Variants in DGKB observed in about 807,000 individuals in gnomAD.
DGKB encodes the protein diacylglycerol kinase beta.
DGKB carries 67 observed loss-of-function variants against 114.3 expected under a neutral mutation model. The ratio of observed to expected loss-of-function variants is 0.59; its 90% CI spans 0.48 to 0.72. The LOEUF (loss-of-function observed/expected upper bound fraction) is 0.72, where lower values mean the gene tolerates loss of function less well. DGKB is among the 30% of genes least tolerant of loss of function. The pLI is 0.00. For synonymous variants in DGKB, 398 were observed against 323.1 expected (o/e 1.23, Z -2.49); for missense variants, 907 against 975.2 (o/e 0.93, Z 0.93).
intron 7 of DGKB, among the ~76,000 whole-genome samples, chr7:14,698,484 T>G (rs1374685135): frequency 6.6e-6 from 1 of 152,106 alleles, no homozygotes; most frequent in African/African-American, 2.4e-5. Context: ...CTGTCACATG[T>G]GATTTTTAAG....
At chr7:14,666,854 T>G (rs1818117174) in intron 13 of DGKB, among the ~76,000 whole-genome samples, 1 of 152,062 alleles carries the variant, frequency 6.6e-6, no homozygotes, top group Non-Finnish European at 1.5e-5. Context: ...AAATAAATTT[T>G]AAGTAATATA....
Position 14,747,775 on chromosome 7 carries a change from G to GCGCGCGCGCGCACACACACACACA in DGKB, c.168+6152_168+6153insTGTGTGTGTGTGTGCGCGCGCGCG. Reference sequence around the variant, plus strand: ...GCTGTGGGCTCAAACACATCCACGCGCACGCACACACACACACACACACAC... The same window carrying GCGCGCGCGCGCACACACACACACA: ...GCTGTGGGCTCAAACACATCCACGCGCGCGCGCGCGCACACACACACACACACGCACACACACACACACACACAC... On this transcript the variant is annotated intron_variant, in intron 4 of 25. Coordinates refer to ENST00000402815, the MANE Select transcript of DGKB (RefSeq NM_001350709.2). 7.3e-3 allele frequency among the ~76,000 whole-genome samples: 1,096 copies of GCGCGCGCGCGCACACACACACACA among 149,250 alleles called. 8 individuals carry two copies. Among genetic ancestry groups the GCGCGCGCGCGCACACACACACACA allele is most frequent in the Admixed American group, 0.012 (185 of 15,030 alleles).
At chr7:14,384,018 G>C (rs1271286034) in intron 21 of DGKB, among the ~76,000 whole-genome samples, 1 of 152,116 alleles carries the variant, frequency 6.6e-6, no homozygotes, top group African/African-American at 2.4e-5. Context: ...GGACTGAAAG[G>C]CTTTTAAACA....
At chr7:14,830,562 C>T (rs1345375525) in intron 2 of DGKB, among the ~76,000 whole-genome samples, 1 of 151,970 alleles carries the variant, frequency 6.6e-6, no homozygotes, top group Non-Finnish European at 1.5e-5. Flanking sequence ...TTCCACTGAC[C>T]TCAGTTTTGG....
At chr7:14,595,736 T>G (rs1802473352) in intron 17 of DGKB, among the ~76,000 whole-genome samples, 2 of 151,918 alleles carry the variant, frequency 1.3e-5, no homozygotes, top group Non-Finnish European at 2.9e-5. Flanking sequence ...TAATGCTTCG[T>G]TTTTACATTT....
At chr7:14,238,887 AATAATTTTT>A (rs1248047223) in intron 23 of DGKB, among the ~76,000 whole-genome samples, 2 of 152,090 alleles carry the variant, frequency 1.3e-5, no homozygotes, top group African/African-American at 4.8e-5. Flanking sequence ...ATTTTTAAAA[AATAATTTTT>A]TTATTTGTTG....
At chr7:14,536,696 A>G (rs1475310333) in intron 20 of DGKB, among the ~76,000 whole-genome samples, 1 of 152,216 alleles carries the variant, frequency 6.6e-6, no homozygotes, top group African/African-American at 2.4e-5. Flanking sequence ...ATGGTCACAT[A>G]TGAATATCCT....
chr7:14,968,031 T>C (rs1427928664), intron 1 of DGKB, among the ~76,000 whole-genome samples: 1 of 152,172 alleles, frequency 6.6e-6, no homozygotes, highest in African/African-American at 2.4e-5. Flanking sequence ...ACACTCCATA[T>C]AGTAGAGAAA....
chr7:14,890,735 C>T lies in DGKB; in HGVS notation c.-188+11857G>A, dbSNP rs1781074896. The stretch of plus-strand genomic sequence containing the variant: ...CTCCTCACGTGTGTGACCTCTTAGA[C>T]TTCTGTTTACTTCCTATAAGACCTC... On this transcript the variant is annotated intron_variant, in intron 1 of 25. Transcript: ENST00000402815. 5.9e-5 allele frequency among the ~76,000 whole-genome samples: 9 copies of T among 151,380 alleles called. No homozygotes were observed. In the South Asian group the frequency reaches 1.9e-3, roughly 31 times the overall value.
intron 21 of DGKB, among the ~76,000 whole-genome samples, chr7:14,383,094 TA>T (rs1367062479): frequency 1.3e-5 from 2 of 152,220 alleles, no homozygotes; most frequent in African/African-American, 4.8e-5. Context: ...AGACCTATGG[TA>T]AAAAACAAGG....
intron 14 of DGKB, among the ~76,000 whole-genome samples, chr7:14,623,568 G>A (rs1334390746): frequency 6.6e-6 from 1 of 152,038 alleles, no homozygotes; most frequent in Non-Finnish European, 1.5e-5. Flanking sequence ...ATCAGAAATC[G>A]TCTCTGACTA....
chr7:14,272,087 A>G (rs899287796), intron 23 of DGKB, among the ~76,000 whole-genome samples: 1 of 152,228 alleles, frequency 6.6e-6, no homozygotes, highest in Non-Finnish European at 1.5e-5. Context: ...TGCATATACA[A>G]CTTAATAATC....
At chr7:14,721,425 T>C (rs891301935) in intron 5 of DGKB, among the ~76,000 whole-genome samples, 1 of 152,326 alleles carries the variant, frequency 6.6e-6, no homozygotes, top group Non-Finnish European at 1.5e-5. Flanking sequence ...ACTAAAATTA[T>C]TTTTGTTTGG....
At chr7:14,846,496 T>G (rs1848643558) in intron 1 of DGKB, among the ~76,000 whole-genome samples, 1 of 152,174 alleles carries the variant, frequency 6.6e-6, no homozygotes, top group African/African-American at 2.4e-5. Flanking sequence ...ATCTCATGCC[T>G]CAGAAGGTAA....
chr7:14,907,174 A>T (rs1346224008), upstream of DGKB, among the ~76,000 whole-genome samples: 1 of 152,212 alleles, frequency 6.6e-6, no homozygotes, highest in East Asian at 1.9e-4. Flanking sequence ...CCCCTTGAAA[A>T]GAATAATGAT....
At chr7:14,178,761 A>T (rs1196783697) in intron 23 of DGKB, among the ~76,000 whole-genome samples, 1 of 152,150 alleles carries the variant, frequency 6.6e-6, no homozygotes, top group Admixed American at 6.5e-5. Flanking sequence ...ATTCTACAAA[A>T]TACTGTTTGG....
intron 21 of DGKB, among the ~76,000 whole-genome samples, chr7:14,415,569 C>T (rs1436422953): frequency 6.0e-5 from 9 of 150,138 alleles, no homozygotes; most frequent in South Asian, 2.1e-4. Flanking sequence ...TGGTTTCCAG[C>T]TTCATCCATG....
chr7:14,526,377 G>A (rs1024629082), intron 20 of DGKB, among the ~76,000 whole-genome samples: 1 of 152,050 alleles, frequency 6.6e-6, no homozygotes, highest in East Asian at 1.9e-4. Context: ...TCTGAACATT[G>A]CCAGAGATCT....
intron 21 of DGKB, among the ~76,000 whole-genome samples, chr7:14,373,127 C>T (rs1313763240): frequency 1.3e-5 from 2 of 152,148 alleles, no homozygotes; most frequent in African/African-American, 4.8e-5. Flanking sequence ...TTCGAGTTAA[C>T]GGCCACTGTG....
Sources: allele counts gnomAD v4.1 joint callset (sites outside exome capture counted in the v4.1 genomes callset), GRCh38; gene constraint gnomAD v4.1.1; transcripts MANE v1.5; gene names NCBI Gene and HGNC (gene_info 2026-07-23, HGNC 2026-07-21).